CDH2: variants seen among roughly 807,000 people sequenced by gnomAD.
CDH2 encodes cadherin 2.
CDH2 carries 17 observed loss-of-function variants against 92.0 expected under a neutral mutation model. The ratio of observed to expected loss-of-function variants is 0.18; its 90% CI spans 0.13 to 0.28. The LOEUF is 0.28. Ranked by LOEUF, CDH2 falls within the 10% of genes least tolerant of loss-of-function variation. The pLI is 1.00. For synonymous variants in CDH2, 419 were observed against 415.9 expected (o/e 1.01, Z -0.09); for missense variants, 862 against 1,133.1 (o/e 0.76, Z 3.44).
At chr18:27,974,307 C>G (rs1239697451) in intron 14 of CDH2, among the ~76,000 whole-genome samples, 1 of 152,166 alleles carries the variant, frequency 6.6e-6, no homozygotes, top group East Asian at 1.9e-4. Flanking sequence ...AATAAAAATA[C>G]TGGAACATGC....
chr18:28,031,659 G>A (rs539986137), intron 2 of CDH2, among the ~76,000 whole-genome samples: 7 of 152,038 alleles, frequency 4.6e-5, no homozygotes, highest in Admixed American at 1.3e-4. Context: ...TTGAAATACT[G>A]AACAATGGAC....
At chr18:28,076,058 C>G (rs2014713082) in intron 2 of CDH2, among the ~76,000 whole-genome samples, 2 of 152,096 alleles carry the variant, frequency 1.3e-5, no homozygotes, top group South Asian at 4.2e-4. Context: ...CATTCTGCCC[C>G]TAGCATCAAA....
At chr18:28,141,776 C>A (rs958200974) in intron 2 of CDH2, among the ~76,000 whole-genome samples, 2 of 152,030 alleles carry the variant, frequency 1.3e-5, no homozygotes, top group Non-Finnish European at 2.9e-5. Flanking sequence ...AAGCCCCACA[C>A]AAAGTGGCCT....
intron 13 of CDH2, among the ~76,000 whole-genome samples, chr18:27,984,794 T>G (rs945366488): frequency 1.3e-5 from 2 of 152,228 alleles, no homozygotes; most frequent in African/African-American, 4.8e-5. Context: ...TGAGGCAGCT[T>G]GTTGCAAACA....
chr18:28,038,135 A>G (rs1567974657), intron 2 of CDH2, among the ~76,000 whole-genome samples: 2 of 152,144 alleles, frequency 1.3e-5, no homozygotes, highest in South Asian at 4.1e-4. Context: ...TTAAAAATAT[A>G]TATGAGGGCT....
intron 2 of CDH2, among the ~76,000 whole-genome samples, chr18:28,124,459 A>G (rs1475740299): frequency 6.6e-6 from 1 of 152,144 alleles, no homozygotes; most frequent in Non-Finnish European, 1.5e-5. Flanking sequence ...AATTTCTGTT[A>G]GCACCCATTT....
intron 2 of CDH2, among the ~76,000 whole-genome samples, chr18:28,099,521 C>A (rs910283847): frequency 1.3e-5 from 2 of 152,098 alleles, no homozygotes; most frequent in African/African-American, 4.8e-5. Flanking sequence ...CTGAACACTT[C>A]CACATCAATT....
intron 1 of CDH2, among the ~76,000 whole-genome samples, chr18:28,149,173 C>T (rs1220710129): frequency 6.6e-6 from 1 of 152,126 alleles, no homozygotes; most frequent in Non-Finnish European, 1.5e-5. Flanking sequence ...GTGGATATAT[C>T]CTCCATATTC....
At chr18:28,076,125 T>A (rs1170478670) in intron 2 of CDH2, among the ~76,000 whole-genome samples, 7 of 152,200 alleles carry the variant, frequency 4.6e-5, no homozygotes, top group African/African-American at 1.7e-4. Flanking sequence ...GCCTTCTTTA[T>A]GTAGCAAGTT....
intron 2 of CDH2, among the ~76,000 whole-genome samples, chr18:28,094,792 TAAAAA>T (rs35744873): frequency 2.4e-5 from 2 of 82,384 alleles, no homozygotes; most frequent in South Asian, 5.4e-4. Context: ...AGACTCTGTC[TAAAAA>T]AAAAAAAAAA....
At chr18:27,948,787 G>C (rs551137156), downstream of CDH2, among the ~76,000 whole-genome samples, 35 of 151,992 alleles carry the variant, frequency 2.3e-4, no homozygotes, top group African/African-American at 7.9e-4. Flanking sequence ...GGACTGTTGA[G>C]GATGAGTGTA....
intron 2 of CDH2, among the ~76,000 whole-genome samples, chr18:28,129,342 A>G (rs1349998313): frequency 6.6e-6 from 1 of 152,232 alleles, no homozygotes; most frequent in Admixed American, 6.5e-5. Context: ...ACCTATCTAT[A>G]ATATAAGCCA....
chr18:28,139,203 G>A (rs573510323), intron 2 of CDH2, among the ~76,000 whole-genome samples: 3 of 152,066 alleles, frequency 2.0e-5, no homozygotes, highest in Non-Finnish European at 2.9e-5. Flanking sequence ...GTTAAAAAAC[G>A]CAGATTTTTA....
chr18:27,954,471 T>A (rs1393368457), intron 15 of CDH2: 2 of 152,314 alleles, frequency 1.3e-5, no homozygotes, highest in African/African-American at 4.8e-5. Context: ...GAACTCTATC[T>A]AATGTGTTTC....
At chr18:27,997,486 G>A (rs1482479739) in intron 7 of CDH2, among the ~76,000 whole-genome samples, 1 of 152,174 alleles carries the variant, frequency 6.6e-6, no homozygotes, top group Admixed American at 6.5e-5. Context: ...CTTCAATAGT[G>A]CATACCAACT....
chr18:28,124,741 A>G (rs1309969463), intron 2 of CDH2, among the ~76,000 whole-genome samples: 1 of 152,178 alleles, frequency 6.6e-6, no homozygotes, highest in Non-Finnish European at 1.5e-5. Flanking sequence ...GTCAAGAGGG[A>G]GAAAACTCTA....
intron 2 of CDH2, among the ~76,000 whole-genome samples, chr18:28,102,766 G>A (rs890455567): frequency 6.6e-6 from 1 of 151,950 alleles, no homozygotes; most frequent in Non-Finnish European, 1.5e-5. Context: ...GGCAAGGGGT[G>A]GGCAGTAGTG....
At chr18:28,142,923 TAG>T (rs2015977618) in intron 2 of CDH2, among the ~76,000 whole-genome samples, 2 of 152,040 alleles carry the variant, frequency 1.3e-5, no homozygotes, top group African/African-American at 4.8e-5. Flanking sequence ...TATTAAAAAA[TAG>T]AAGAGTTGTA....
At chr18:28,133,940 C>T (rs1598498122) in intron 2 of CDH2, among the ~76,000 whole-genome samples, 2 of 152,156 alleles carry the variant, frequency 1.3e-5, no homozygotes, top group South Asian at 4.2e-4. Context: ...AGGAGGATGG[C>T]TGGGGCCCAG....
Sources: gnomAD v4.1 joint callset for allele counts (sites outside exome capture counted in the v4.1 genomes callset) on GRCh38, gnomAD v4.1.1 for gene constraint, MANE v1.5 for transcripts, NCBI Gene and HGNC (gene_info 2026-07-23, HGNC 2026-07-21) for gene names.